The following IQCM variants were observed in gnomAD, a reference collection of about 807,000 sequenced individuals.
IQCM encodes IQ domain-containing protein M.
IQCM carries 45 observed loss-of-function variants against 57.6 expected under a neutral mutation model. The observed-to-expected ratio is 0.78, with a 90% CI of 0.62 to 1.00. The LOEUF is 1.00. IQCM is among the 50% of genes least tolerant of loss of function. IQCM has a pLI of 0.00. For missense variants in IQCM, 468 were observed against 511.6 expected (o/e 0.91, Z 0.82); for synonymous variants, 148 against 158.9 (o/e 0.93, Z 0.51).
intron 12 of IQCM, among the ~76,000 whole-genome samples, chr4:149,513,811 G>A (rs533709568): frequency 4.6e-5 from 7 of 152,144 alleles, no homozygotes; most frequent in African/African-American, 1.4e-4. Flanking sequence ...GTTGAAAAGA[G>A]GTCTCTGGAG....
intron 2 of IQCM, among the ~76,000 whole-genome samples, chr4:149,755,238 T>G (rs896861066): frequency 2.6e-5 from 4 of 151,986 alleles, no homozygotes; most frequent in Non-Finnish European, 5.9e-5. Context: ...GCAACCAGAG[T>G]TATTCAAATA....
chr4:149,640,222 AAC>A (rs1397463257), intron 7 of IQCM, among the ~76,000 whole-genome samples: 3 of 152,204 alleles, frequency 2.0e-5, no homozygotes, highest in Non-Finnish European at 4.4e-5. Context: ...ATAGGCATGT[AAC>A]ACATAATAAT....
In IQCM at chr4:149,614,883, G is replaced by T. The variant is rs971903071; in HGVS notation, c.681+6246C>A. On this transcript the variant is annotated intron_variant, in intron 8 of 13. Coordinates refer to ENST00000636793, the MANE Select transcript of IQCM (RefSeq NM_001363507.2). Reference sequence around the variant, plus strand: ...TCCACAAGTGGCAGAGCTCCTCCCAGTGACACCTTCCTGACTCTTAGGACC... The same window carrying T: ...TCCACAAGTGGCAGAGCTCCTCCCATTGACACCTTCCTGACTCTTAGGACC... Among the ~76,000 whole-genome samples, 4 of 152,170 alleles carry T rather than the reference G, an allele frequency of 2.6e-5. No individual in the cohort carries two copies. The East Asian group carries it at 7.7e-4, about 29-fold the overall frequency.
At chr4:149,415,576 A>G (rs1034657358) in intron 13 of IQCM, among the ~76,000 whole-genome samples, 2 of 152,082 alleles carry the variant, frequency 1.3e-5, no homozygotes, top group Non-Finnish European at 2.9e-5. Context: ...TTTTTAGAAT[A>G]GGCAGAGTAT....
intron 13 of IQCM, among the ~76,000 whole-genome samples, chr4:149,433,139 G>A (rs1353654131): frequency 6.6e-6 from 1 of 151,946 alleles, no homozygotes; most frequent in African/African-American, 2.4e-5. Context: ...TGGTAGTAAC[G>A]CAAAAGTGAA....
At chr4:149,600,033 C>T (rs1223507444) in intron 8 of IQCM, among the ~76,000 whole-genome samples, 3 of 151,962 alleles carry the variant, frequency 2.0e-5, no homozygotes, top group African/African-American at 7.2e-5. Flanking sequence ...TTTAAGGGAG[C>T]CCCCTGAGTA....
chr4:149,751,353 C>T (rs1281860660), intron 2 of IQCM, among the ~76,000 whole-genome samples: 1 of 152,174 alleles, frequency 6.6e-6, no homozygotes, highest in Non-Finnish European at 1.5e-5. Context: ...CTAACAGAGA[C>T]AGTATGACGT....
Position 149,368,807 on chromosome 4 carries a change from T to TATATATATACATATATATAC in IQCM, c.1391-16742_1391-16741insGTATATATATGTATATATAT, listed in dbSNP as rs1560778919. Among the ~76,000 whole-genome samples the TATATATATACATATATATAC allele has an allele frequency of 1.3e-4, 9 of 68,582 alleles. 2 individuals carry two copies. The highest frequency in any genetic ancestry group is 7.8e-3 in the Middle Eastern group (1 of 128). The allele number at this position is 68,582 out of a possible 152,430, so 45.0% of individuals were successfully genotyped here. ...ATGTATATATATACATATATATACA[T>TATATATATACATATATATAC]GTATATATATACATATATATACATG... On this transcript the variant is annotated intron_variant, in intron 13 of 13. Transcript: ENST00000636793.
At chr4:149,628,737 T>C (rs966735821) in intron 7 of IQCM, among the ~76,000 whole-genome samples, 3 of 152,172 alleles carry the variant, frequency 2.0e-5, no homozygotes, top group Non-Finnish European at 4.4e-5. Context: ...CATACAAGTA[T>C]ATTCGGCAAA....
chr4:149,493,185 G>A (rs1742281127), intron 12 of IQCM, among the ~76,000 whole-genome samples: 1 of 151,884 alleles, frequency 6.6e-6, no homozygotes, highest in African/African-American at 2.4e-5. Context: ...TATTCAATTG[G>A]TTAACAACCT....
At chr4:149,537,291 C>T (rs1197235887) in intron 12 of IQCM, among the ~76,000 whole-genome samples, 4 of 151,620 alleles carry the variant, frequency 2.6e-5, no homozygotes, top group South Asian at 2.1e-4. Context: ...ATGAACTAAA[C>T]GTATTCTAGA....
At position 149,406,223 on chromosome 4, in the gene IQCM, C is replaced by G. The variant is rs116252103; in HGVS notation, c.1390+27173G>C. On this transcript the variant is annotated intron_variant, in intron 13 of 13. Coordinates refer to ENST00000636793, the MANE Select transcript of IQCM (RefSeq NM_001363507.2). The stretch of plus-strand genomic sequence containing the variant: ...TCAAAGTCTCTGACCCTGTGGGATT[C>G]ATTTCTAGGAAGGGAGACAATTATA... Among the ~76,000 whole-genome samples, 573 of 152,058 alleles carry G rather than the reference C, an allele frequency of 3.8e-3. 2 individuals carry two copies. The highest frequency in any genetic ancestry group is 0.013 in the African/African-American group (530 of 41,502).
intron 7 of IQCM, among the ~76,000 whole-genome samples, chr4:149,666,644 C>T (rs1022663851): frequency 6.6e-6 from 1 of 152,194 alleles, no homozygotes; most frequent in Non-Finnish European, 1.5e-5. Flanking sequence ...GTGGATCCTA[C>T]CCCTACAGAG....
chr4:149,563,225 G>T (rs542464212), intron 10 of IQCM, among the ~76,000 whole-genome samples: 6 of 152,138 alleles, frequency 3.9e-5, no homozygotes, highest in Non-Finnish European at 7.3e-5. Context: ...AAGGAAAGTT[G>T]CTCTAAACAG....
chr4:149,442,905 A>G (rs1406236927), intron 12 of IQCM, among the ~76,000 whole-genome samples: 1 of 150,398 alleles, frequency 6.6e-6, no homozygotes, highest in African/African-American at 2.4e-5. Context: ...TAGAGGAAGA[A>G]CTAGCAGGCT....
chr4:149,566,547 GAA>G (rs1750652192), intron 9 of IQCM, among the ~76,000 whole-genome samples: 2 of 152,030 alleles, frequency 1.3e-5, no homozygotes, highest in Admixed American at 1.3e-4. Flanking sequence ...AAGTGACAAA[GAA>G]AGAGAGACAC....
At chr4:149,427,571 A>G (rs1220845874) in intron 13 of IQCM, among the ~76,000 whole-genome samples, 1 of 152,038 alleles carries the variant, frequency 6.6e-6, no homozygotes, top group Non-Finnish European at 1.5e-5. Context: ...CTAAATGAGA[A>G]AGACCTAATT....
intron 5 of IQCM, among the ~76,000 whole-genome samples, chr4:149,731,856 A>G (rs1311278627): frequency 2.0e-5 from 3 of 148,318 alleles, no homozygotes; most frequent in Admixed American, 6.8e-5. Flanking sequence ...AAGGAATATA[A>G]CGTGTATTTT....
chr4:149,397,468 T>TGA (rs1457799847), intron 13 of IQCM, among the ~76,000 whole-genome samples: 4 of 151,750 alleles, frequency 2.6e-5, no homozygotes, highest in Non-Finnish European at 5.9e-5. Flanking sequence ...ATAATATGAG[T>TGA]GAGATCTCAT....
Sources: gnomAD v4.1 joint callset for allele counts (sites outside exome capture counted in the v4.1 genomes callset) on GRCh38, gnomAD v4.1.1 for gene constraint, MANE v1.5 for transcripts, NCBI Gene and HGNC (gene_info 2026-07-23, HGNC 2026-07-21) for gene names.